Variants in CILK1 observed in about 807,000 individuals in gnomAD.
CILK1 encodes ciliogenesis associated kinase 1, also known as serine/threonine-protein kinase ICK.
In CILK1, 47 loss-of-function variants were observed where a neutral mutation model predicts 79.2. The observed-to-expected ratio is 0.59, with a 90% CI of 0.47 to 0.76. CILK1 has a LOEUF of 0.76. Ranked by LOEUF, CILK1 falls within the 30% of genes least tolerant of loss-of-function variation. CILK1 has a pLI of 0.00. For missense variants in CILK1, 660 were observed against 769.5 expected, an observed-to-expected ratio of 0.86 and a Z score of 1.68; for synonymous variants, 266 against 275.9, an observed-to-expected ratio of 0.96 and a Z score of 0.36.
chr6:53,049,054 T>C (rs1250199024), intron 1 of CILK1, among the ~76,000 whole-genome samples: 1 of 152,220 alleles, frequency 6.6e-6, no homozygotes, highest in Non-Finnish European at 1.5e-5. Flanking sequence ...GAATCCCAGC[T>C]GCAGAGGGTG....
At chr6:53,034,156 G>A (rs1766155143) in intron 3 of CILK1, among the ~76,000 whole-genome samples, 1 of 152,200 alleles carries the variant, frequency 6.6e-6, no homozygotes, top group South Asian at 2.1e-4. Flanking sequence ...TAGTGGATGA[G>A]CAGCCTTGGG....
At position 53,041,195 on chromosome 6, in the gene CILK1, G is replaced by A. The variant is rs745608880; in HGVS notation, c.42C>T (p.Thr14=). Residue 14 remains threonine (T), a synonymous_variant, in exon 2 of 14, where the codon ACC becomes ACT. Coordinates refer to ENST00000676107, the MANE Select transcript of CILK1 (RefSeq NM_014920.5). ...TTCTTCCCAGCAGGACGGAACCGTAGGTTCCATCCCCGAGCTGCCTGATTG... is the reference window on the plus strand; with the variant it reads ...TTCTTCCCAGCAGGACGGAACCGTAAGTTCCATCCCCGAGCTGCCTGATTG... ...YTTIRQLGDG[T]YGSVLLGRSI... is the part of the protein sequence containing the mutation. The A allele has an allele frequency of 1.2e-6, 2 of 1,614,026 alleles. No individual in the cohort carries two copies. Among genetic ancestry groups the A allele is most frequent in the Admixed American group, 1.7e-5 (1 of 60,024 alleles).
intron 4 of CILK1, among the ~76,000 whole-genome samples, 177 bp from the exon 5 acceptor site, chr6:53,031,321 C>T (rs1226820897): frequency 6.6e-6 from 1 of 152,086 alleles, no homozygotes; most frequent in Non-Finnish European, 1.5e-5. Flanking sequence ...AAAGTTTTTC[C>T]TCCAACATAG....
chr6:53,024,167 T>C (rs895682241), intron 5 of CILK1, among the ~76,000 whole-genome samples: 4 of 152,240 alleles, frequency 2.6e-5, no homozygotes, highest in Admixed American at 2.6e-4. Flanking sequence ...GCTCATTCTT[T>C]ATCCTGCCAT....
intron 8 of CILK1, 48 bp downstream of exon 8, chr6:53,016,035 T>C: frequency 1.3e-6 from 2 of 1,568,002 alleles, no homozygotes; most frequent in East Asian, 2.2e-5. Context: ...TTCATAGAAA[T>C]TATTCAGAGT....
chr6:53,041,275 A>C lies in CILK1; in HGVS notation c.-39T>G. 1 of 1,481,918 alleles carries C rather than the reference A, an allele frequency of 6.7e-7. No homozygotes were observed. The highest frequency in any genetic ancestry group is 1.1e-5 in the South Asian group (1 of 88,432). The allele number at this position is 1,481,918 out of a possible 1,614,324, so 91.8% of individuals were successfully genotyped here. On this transcript the variant is annotated 5_prime_UTR_variant, in exon 2 of 14. Coordinates refer to ENST00000676107, the MANE Select transcript of CILK1 (RefSeq NM_014920.5). ...AGGCCGGACACTCATCTCACGGCCG[A>C]AGTGGTTCAGTTCTGCAGTGGTAGC...
intron 1 of CILK1, among the ~76,000 whole-genome samples, chr6:53,047,939 G>T (rs931315556): frequency 1.3e-5 from 2 of 151,952 alleles, no homozygotes; most frequent in Admixed American, 1.3e-4. Flanking sequence ...CCTCTCACTG[G>T]AGATGCTCAA....
intron 5 of CILK1, among the ~76,000 whole-genome samples, chr6:53,021,450 G>C (rs1288907811): frequency 6.6e-6 from 1 of 151,962 alleles, no homozygotes; most frequent in Admixed American, 6.6e-5. Flanking sequence ...CTATAATCCT[G>C]ACCACTTAAA....
Position 53,013,901 on chromosome 6 carries a change from T to C in CILK1, c.913A>G (p.Lys305Glu). Residue 305 changes from lysine (K) to glutamate (E), a missense_variant, in exon 9 of 14, where the codon AAA (lysine) becomes GAA (glutamate). Physicochemically the swap from Lys to Glu is moderately conservative, Grantham distance 56. Transcript: ENST00000676107. ...GGGCCTGCCTTTTCCAGGATGCCTT[T>C]CTGTGGTTTTTCTGAATCCTGAAGG... The part of the protein sequence containing the change: ...QNLQDSEKPQ[K>E]GILEKAGPPP... 3.1e-6 allele frequency: 5 copies of C among 1,614,136 alleles called. No homozygotes were observed. The highest frequency in any genetic ancestry group is 3.4e-6 in the Non-Finnish European group (4 of 1,179,990).
intron 2 of CILK1, among the ~76,000 whole-genome samples, chr6:53,040,655 A>C (rs1350876921): frequency 1.3e-5 from 2 of 152,246 alleles, no homozygotes; most frequent in Non-Finnish European, 2.9e-5. Flanking sequence ...GAGATAATAA[A>C]TGTGTGTTGT....
At chr6:53,033,043 G>A (rs990390204) in intron 3 of CILK1, among the ~76,000 whole-genome samples, 32 of 152,346 alleles carry the variant, frequency 2.1e-4, no homozygotes, top group Middle Eastern at 3.4e-3. Context: ...TGCAGCTGCA[G>A]TGGGCTGAGA....
intron 5 of CILK1, among the ~76,000 whole-genome samples, chr6:53,030,325 T>C (rs1032905077): frequency 1.3e-5 from 2 of 152,228 alleles, no homozygotes; most frequent in Non-Finnish European, 2.9e-5. Flanking sequence ...GATAAAGTCA[T>C]GTTACATACC....
Position 53,016,293 on chromosome 6 carries a change from T to A in CILK1, c.664-43A>T, listed in dbSNP as rs183576096. ...TAGAAAATCTTGCTCAGCCAATTGC[T>A]GTGATATAAGTTTGTATTCTGGCAT... On this transcript the variant is annotated intron_variant, in intron 7 of 13. Transcript: ENST00000676107. 59 of 1,606,304 alleles carry A rather than the reference T, an allele frequency of 3.7e-5. No individual in the cohort carries two copies. The African/African-American group carries it at 7.1e-4, about 19-fold the overall frequency.
intron 1 of CILK1, among the ~76,000 whole-genome samples, chr6:53,055,074 G>A (rs766688209): frequency 1.2e-4 from 19 of 152,214 alleles, no homozygotes; most frequent in Non-Finnish European, 2.5e-4. Context: ...CAGGCCCACT[G>A]ACACCATTCA....
chr6:53,016,252 T>C lies in CILK1; in HGVS notation c.664-2A>G, dbSNP rs766624112. On this transcript the variant is annotated splice_acceptor_variant, in intron 7 of 13. Coordinates refer to ENST00000676107, the MANE Select transcript of CILK1 (RefSeq NM_014920.5). LOFTEE classifies it high-confidence loss of function. ...TTGATAGCCTTCAGGCCAGTCAGTC[T>C]GAAAGAAGGAAAAGATAGAAAATCT... 1.9e-6 allele frequency: 3 copies of C among 1,613,956 alleles called. No individual in the cohort carries two copies. The highest frequency in any genetic ancestry group is 2.5e-6 in the Non-Finnish European group (3 of 1,179,858).
intron 9 of CILK1, 128 bp downstream of exon 9, chr6:53,013,534 T>G (rs985557739): frequency 1.1e-6 from 1 of 883,106 alleles, no homozygotes; most frequent in African/African-American, 1.6e-5. Context: ...TACAATTCCA[T>G]GCTGTTGCAA....
chr6:53,055,981 T>C (rs1246684897), intron 1 of CILK1, among the ~76,000 whole-genome samples: 3 of 152,300 alleles, frequency 2.0e-5, no homozygotes, highest in African/African-American at 4.8e-5. Context: ...AGGGTGGCAA[T>C]AGTCCTGCTT....
intron 13 of CILK1, among the ~76,000 whole-genome samples, chr6:53,006,084 C>A (rs573758981): frequency 6.6e-6 from 1 of 152,206 alleles, no homozygotes; most frequent in South Asian, 2.1e-4. Flanking sequence ...ACCCCACACT[C>A]CAACCCCCAC....
intron 11 of CILK1, among the ~76,000 whole-genome samples, chr6:53,011,326 G>A (rs1311602481): frequency 6.6e-6 from 1 of 152,150 alleles, no homozygotes; most frequent in African/African-American, 2.4e-5. Flanking sequence ...GCCCAGGCAC[G>A]GTGGCTCATG....
Sources: allele counts gnomAD v4.1 joint callset (sites outside exome capture counted in the v4.1 genomes callset), GRCh38; gene constraint gnomAD v4.1.1; transcripts MANE v1.5; gene names NCBI Gene and HGNC (gene_info 2026-07-23, HGNC 2026-07-21).